The following TTC39B variants were observed in gnomAD, a reference collection of about 807,000 sequenced individuals.
TTC39B encodes tetratricopeptide repeat protein 39B.
TTC39B carries 92 observed loss-of-function variants against 96.6 expected under a neutral mutation model. The ratio of observed to expected loss-of-function variants is 0.95; its 90% CI spans 0.80 to 1.13. The LOEUF is 1.13. Ranked by LOEUF, TTC39B falls within the 50% of genes most tolerant of loss-of-function variation. The pLI is 0.00. For missense variants in TTC39B, 955 were observed against 809.3 expected (o/e 1.18, Z -2.18); for synonymous variants, 367 against 299.4 (o/e 1.23, Z -2.33).
At chr9:15,190,089 T>C (rs893150575) in intron 11 of TTC39B, among the ~76,000 whole-genome samples, 1 of 152,134 alleles carries the variant, frequency 6.6e-6, no homozygotes, top group African/African-American at 2.4e-5. Flanking sequence ...TTTCATTTTC[T>C]GCAAAGAAAA....
chr9:15,187,828 T>C (rs1228375419), intron 14 of TTC39B, 143 bp downstream of exon 14: 1 of 840,226 alleles, frequency 1.2e-6, no homozygotes, highest in Non-Finnish European at 1.7e-6. Flanking sequence ...TAGTGGGTAC[T>C]TAAGGCACAT....
At chr9:15,303,522 C>G (rs1824665591) in intron 1 of TTC39B, among the ~76,000 whole-genome samples, 1 of 151,986 alleles carries the variant, frequency 6.6e-6, no homozygotes, top group South Asian at 2.1e-4. Flanking sequence ...CAGGCGGGCA[C>G]CACCATGCCC....
rs1245268545 is a variant in TTC39B, at chr9:15,180,709, C to T, written c.1723+1598G>A. ...CTTCTCTCCATTTTCCAATTATGGA[C>T]TTTTTCTTCCCTGCTCTGAAGGATA... On this transcript the variant is annotated intron_variant, in intron 17 of 19. Coordinates refer to ENST00000512701, the Ensembl canonical transcript of TTC39B. 3.3e-5 allele frequency among the ~76,000 whole-genome samples: 5 copies of T among 152,190 alleles called. 1 individual carries two copies. The highest frequency in any genetic ancestry group is 1.2e-4 in the African/African-American group (5 of 41,450).
chr9:15,254,710 AT>A (rs1822684511), intron 2 of TTC39B, among the ~76,000 whole-genome samples: 1 of 152,068 alleles, frequency 6.6e-6, no homozygotes, highest in South Asian at 2.1e-4. Context: ...ATTACATAAA[AT>A]TATTTTAATC....
At chr9:15,302,103 A>G (rs1824610529) in intron 1 of TTC39B, among the ~76,000 whole-genome samples, 1 of 151,908 alleles carries the variant, frequency 6.6e-6, no homozygotes, top group Non-Finnish European at 1.5e-5. Context: ...CGGGTGGATC[A>G]CTTGGGGTCA....
chr9:15,171,754 C>T (rs1233429418), exon 20 of TTC39B: 5 of 222,258 alleles, frequency 2.2e-5, no homozygotes, highest in African/African-American at 1.1e-4. Flanking sequence ...TTTCAAAAGA[C>T]TTCTTCGCCC....
chr9:15,190,539 T>C lies in TTC39B; in HGVS notation c.1105+15A>G. The C allele has an allele frequency of 1.9e-6, 3 of 1,605,318 alleles. No individual in the cohort carries two copies. Among genetic ancestry groups the C allele is most frequent in the Non-Finnish European group, 2.6e-6 (3 of 1,172,028 alleles). On this transcript the variant is annotated intron_variant, in intron 11 of 19. Transcript: ENST00000512701. Reference sequence around the variant, plus strand: ...ACAATCAATGTTCAATGAAACAATCTAATCCAGATCTTACCAAGTATTAGG... The same window carrying C: ...ACAATCAATGTTCAATGAAACAATCCAATCCAGATCTTACCAAGTATTAGG...
chr9:15,171,462 T>C (rs1817655976), exon 20 of TTC39B: 1 of 152,196 alleles, frequency 6.6e-6, no homozygotes, highest in Non-Finnish European at 1.5e-5. Flanking sequence ...TCATCCTTTA[T>C]AGAGAAAGGT....
At chr9:15,267,980 C>T (rs745618818) in intron 1 of TTC39B, 32 bp from the exon 2 acceptor site, 2 of 1,596,610 alleles carry the variant, frequency 1.3e-6, no homozygotes, top group Admixed American at 3.4e-5. Flanking sequence ...ATGAGTTTCT[C>T]AAGAATTCTC....
chr9:15,199,243 C>T (rs1411407266), intron 8 of TTC39B, among the ~76,000 whole-genome samples: 1 of 152,070 alleles, frequency 6.6e-6, no homozygotes, highest in African/African-American at 2.4e-5. Context: ...GAGTCTGAAC[C>T]AAAGATATTA....
At chr9:15,296,563 C>T (rs1405824358) in intron 1 of TTC39B, among the ~76,000 whole-genome samples, 3 of 152,176 alleles carry the variant, frequency 2.0e-5, no homozygotes, top group East Asian at 1.9e-4. Context: ...AGCTCAATCT[C>T]GGCTCACTGC....
intron 1 of TTC39B, among the ~76,000 whole-genome samples, chr9:15,302,695 T>A (rs1824638847): frequency 6.6e-6 from 1 of 150,770 alleles, no homozygotes; most frequent in Non-Finnish European, 1.5e-5. Context: ...AATACAAAAA[T>A]TAGCTGGGCA....
intron 7 of TTC39B, among the ~76,000 whole-genome samples, chr9:15,202,773 A>G (rs995482491): frequency 1.3e-5 from 2 of 150,564 alleles, no homozygotes; most frequent in Non-Finnish European, 2.9e-5. Context: ...AAGATTTTCC[A>G]TTTCACAGCT....
intron 1 of TTC39B, among the ~76,000 whole-genome samples, chr9:15,276,744 A>C (rs898810604): frequency 6.6e-6 from 1 of 152,220 alleles, no homozygotes; most frequent in Non-Finnish European, 1.5e-5. Context: ...CTCTGACCCT[A>C]GGTGAGTCCA....
intron 1 of TTC39B, among the ~76,000 whole-genome samples, chr9:15,268,463 GC>G (rs922187392): frequency 2.0e-5 from 3 of 152,070 alleles, no homozygotes; most frequent in African/African-American, 7.2e-5. Flanking sequence ...CCTGATCACA[GC>G]TGCAACAGGA....
intron 6 of TTC39B, among the ~76,000 whole-genome samples, chr9:15,208,473 G>C (rs929640179): frequency 6.6e-6 from 1 of 152,156 alleles, no homozygotes; most frequent in African/African-American, 2.4e-5. Flanking sequence ...CATAGAGAGA[G>C]TAACAGAAAG....
chr9:15,254,276 A>G (rs1822669141), intron 2 of TTC39B, among the ~76,000 whole-genome samples: 1 of 151,742 alleles, frequency 6.6e-6, no homozygotes, highest in Non-Finnish European at 1.5e-5. Context: ...TTTCTTAGAT[A>G]TTTGTTAGAT....
chr9:15,202,919 G>A (rs1335950267), intron 7 of TTC39B, among the ~76,000 whole-genome samples: 1 of 152,168 alleles, frequency 6.6e-6, no homozygotes, highest in African/African-American at 2.4e-5. Context: ...GCAAGGTACT[G>A]ACTGTATCAG....
intron 8 of TTC39B, among the ~76,000 whole-genome samples, chr9:15,198,712 G>C (rs1290503912): frequency 1.3e-5 from 2 of 151,716 alleles, no homozygotes; most frequent in Non-Finnish European, 2.9e-5. Flanking sequence ...GAACAGATGA[G>C]GCAAAGAGAA....
Sources: allele counts gnomAD v4.1 joint callset (sites outside exome capture counted in the v4.1 genomes callset), GRCh38; gene constraint gnomAD v4.1.1; transcripts MANE v1.5; gene names NCBI Gene and HGNC (gene_info 2026-07-23, HGNC 2026-07-21).